SLC22A24: variants seen among roughly 807,000 people sequenced by gnomAD.
The protein encoded by SLC22A24 is steroid transmembrane transporter SLC22A24.
A neutral mutation model predicts 49.8 loss-of-function variants in SLC22A24; 53 were observed. That is an observed-to-expected ratio of 1.06 (90% CI 0.85 to 1.34). SLC22A24 has a LOEUF of 1.34. Ranked by LOEUF, SLC22A24 falls within the 40% of genes most tolerant of loss-of-function variation. The pLI, the probability that SLC22A24 is intolerant of heterozygous loss-of-function variation, is 0.00. For missense variants in SLC22A24, 786 were observed against 675.9 expected (o/e 1.16, Z -1.81); for synonymous variants, 302 against 256.4 (o/e 1.18, Z -1.70).
chr11:63,087,055 CACAG>C (rs1214178690), intron 6 of SLC22A24, among the ~76,000 whole-genome samples: 12 of 104,888 alleles, frequency 1.1e-4, no homozygotes, highest in African/African-American at 3.9e-4. Flanking sequence ...CACACACACA[CACAG>C]AGGGAGAGAG....
chr11:63,088,481 A>C (rs2087000563), intron 6 of SLC22A24, among the ~76,000 whole-genome samples: 1 of 152,146 alleles, frequency 6.6e-6, no homozygotes, highest in Admixed American at 6.5e-5. Flanking sequence ...AGGAAAAATC[A>C]GTGCAAAAAT....
At chr11:63,135,795 G>A (rs979296363) in intron 1 of SLC22A24, among the ~76,000 whole-genome samples, 11 of 152,198 alleles carry the variant, frequency 7.2e-5, no homozygotes, top group African/African-American at 2.7e-4. Context: ...CATCAACAAT[G>A]CATTTGACCC....
intron 6 of SLC22A24, among the ~76,000 whole-genome samples, chr11:63,088,958 C>T (rs962687109): frequency 6.6e-6 from 1 of 152,054 alleles, no homozygotes; most frequent in Non-Finnish European, 1.5e-5. Context: ...ATTGGTGTCC[C>T]TGAAAATGAT....
intron 5 of SLC22A24, among the ~76,000 whole-genome samples, chr11:63,098,468 G>C (rs1294799067): frequency 6.6e-6 from 1 of 152,114 alleles, no homozygotes; most frequent in South Asian, 2.1e-4. Flanking sequence ...AGGAGTGTAA[G>C]AGCAGCTTGG....
intron 1 of SLC22A24, among the ~76,000 whole-genome samples, chr11:63,139,011 G>T (rs1035552861): frequency 2.6e-5 from 4 of 152,138 alleles, no homozygotes; most frequent in African/African-American, 9.7e-5. Flanking sequence ...GGTAATAAGA[G>T]ATCTGAAAGG....
intron 4 of SLC22A24, among the ~76,000 whole-genome samples, chr11:63,118,319 T>A (rs183268932): frequency 6.6e-6 from 1 of 152,262 alleles, no homozygotes; most frequent in Non-Finnish European, 1.5e-5. Flanking sequence ...TGGGACTCAG[T>A]TTTTCTTCAA....
At position 63,113,011 on chromosome 11, in the gene SLC22A24, C is replaced by CAAA. The variant is rs869264212; in HGVS notation, c.830+5898_830+5900dup. ...GCCTGTGTGACAGCAGACTCTGTCT[C>CAAA]AAAAAAAAAAAAAAAAAAAAAAAAA... is the stretch of plus-strand genomic sequence containing the variant. On this transcript the variant is annotated intron_variant, in intron 4 of 9. Coordinates refer to ENST00000612278, the MANE Select transcript of SLC22A24 (RefSeq NM_001136506.2). Among the ~76,000 whole-genome samples the CAAA allele has an allele frequency of 5.0e-4, 6 of 12,028 alleles. 2 individuals carry two copies. The highest frequency in any genetic ancestry group is 9.1e-3 in the South Asian group (2 of 220). The allele number at this position is 12,028 out of a possible 152,430, so 7.9% of individuals were successfully genotyped here.
At chr11:63,119,445 C>A in intron 2 of SLC22A24, 110 bp from the exon 3 acceptor site, 1 of 1,081,918 alleles carries the variant, frequency 9.2e-7, no homozygotes, top group Non-Finnish European at 1.3e-6. Flanking sequence ...ACAAGTGGAA[C>A]ATGGTGCTTG....
At chr11:63,111,401 T>C (rs1179415613) in intron 4 of SLC22A24, among the ~76,000 whole-genome samples, 1 of 151,794 alleles carries the variant, frequency 6.6e-6, no homozygotes, top group Non-Finnish European at 1.5e-5. Context: ...TTTCTATTGA[T>C]TGGAATAGTT....
intron 5 of SLC22A24, among the ~76,000 whole-genome samples, chr11:63,096,738 T>C (rs765561104): frequency 2.0e-5 from 3 of 152,130 alleles, no homozygotes; most frequent in African/African-American, 4.8e-5. Context: ...TGGGGATGTG[T>C]TGGTGGAGTA....
At chr11:63,140,405 G>C (rs916638826) in intron 1 of SLC22A24, among the ~76,000 whole-genome samples, 9 of 152,096 alleles carry the variant, frequency 5.9e-5, no homozygotes, top group Admixed American at 3.9e-4. Flanking sequence ...AAGATTATCG[G>C]TAAAACAAAG....
intron 1 of SLC22A24, among the ~76,000 whole-genome samples, chr11:63,135,994 C>T (rs2087371585): frequency 2.6e-5 from 4 of 152,152 alleles, no homozygotes; most frequent in Admixed American, 2.6e-4. Flanking sequence ...GTTGACCATT[C>T]TACAGTCATT....
chr11:63,138,213 CCTT>C (rs2087388869), intron 1 of SLC22A24, among the ~76,000 whole-genome samples: 1 of 152,108 alleles, frequency 6.6e-6, no homozygotes, highest in African/African-American at 2.4e-5. Context: ...TGTTTTGTGT[CCTT>C]AAGAGCTCAA....
chr11:63,141,090 T>TG (rs2087412537), intron 1 of SLC22A24, among the ~76,000 whole-genome samples: 1 of 152,216 alleles, frequency 6.6e-6, no homozygotes, highest in Non-Finnish European at 1.5e-5. Flanking sequence ...AGAAAATTGA[T>TG]GTGCTGTTTG....
rs2087104291 is a variant in SLC22A24 at position 63,103,704 on chromosome 11, C to A, written c.954+471G>T. 2.0e-5 allele frequency among the ~76,000 whole-genome samples: 3 copies of A among 152,276 alleles called. No homozygotes were observed. In the South Asian group the frequency reaches 6.2e-4, roughly 32 times the overall value. On this transcript the variant is annotated intron_variant, in intron 5 of 9. Transcript: ENST00000612278. The stretch of plus-strand genomic sequence containing the variant: ...AAAAGGTCTTTTATCTATTTTACTG[C>A]TGTATCCACATTGTGTAGAACTTTA...
chr11:63,121,595 A>T (rs1565335619), intron 2 of SLC22A24, among the ~76,000 whole-genome samples: 2 of 150,366 alleles, frequency 1.3e-5, no homozygotes, highest in African/African-American at 4.9e-5. Flanking sequence ...GATATCACAC[A>T]TTTTTTTTTG....
intron 7 of SLC22A24, 37 bp from the exon 8 acceptor site, chr11:63,081,703 A>G (rs1230713766): frequency 7.0e-7 from 1 of 1,430,870 alleles, no homozygotes; most frequent in Non-Finnish European, 9.6e-7. Context: ...ATCTTGCCTG[A>G]AGAAACTTTT....
chr11:63,107,931 C>T (rs1365545933), intron 4 of SLC22A24, among the ~76,000 whole-genome samples: 19 of 152,034 alleles, frequency 1.2e-4, no homozygotes, highest in Non-Finnish European at 2.6e-4. Context: ...TTATTTCCTT[C>T]TCCTGCCTAA....
At chr11:63,121,526 C>A (rs200672252) in intron 2 of SLC22A24, among the ~76,000 whole-genome samples, 1 of 151,274 alleles carries the variant, frequency 6.6e-6, no homozygotes, top group Non-Finnish European at 1.5e-5. Flanking sequence ...TGGTGAATGA[C>A]AAAGGTTAGA....
Sources: gnomAD v4.1 joint callset for allele counts (sites outside exome capture counted in the v4.1 genomes callset) on GRCh38, gnomAD v4.1.1 for gene constraint, MANE v1.5 for transcripts, NCBI Gene and HGNC (gene_info 2026-07-23, HGNC 2026-07-21) for gene names.